Variants in PLCB3 observed in about 807,000 individuals in gnomAD.
PLCB3 encodes phospholipase C beta 3, also known as 1-phosphatidylinositol 4,5-bisphosphate phosphodiesterase beta-3.
Under a neutral mutation model 152.1 loss-of-function variants are expected in PLCB3, and 54 were observed. That is an observed-to-expected ratio of 0.36 (90% CI 0.29 to 0.45). The LOEUF is 0.45. PLCB3 is among the 20% of genes least tolerant of loss of function. The pLI is 1.00. For synonymous variants in PLCB3, 717 were observed against 698.7 expected (o/e 1.03, Z -0.41); for missense variants, 1,248 against 1,687.5 (o/e 0.74, Z 4.56).
In PLCB3 at chr11:64,255,794, C is replaced by T. The variant is rs780611720; in HGVS notation, c.671C>T (p.Pro224Leu). Residue 224 changes from proline (P) to leucine (L), a missense_variant, in exon 8 of 31, where the codon CCG becomes CTG. Physicochemically the swap from Pro to Leu is moderately conservative, Grantham distance 98 (BLOSUM62 -3). Transcript: ENST00000279230. This position sits in a 1 kb window ranked among gnomAD's most constrained non-coding sequence, Gnocchi z 6.8. ...TTCCTGAACAAGCTGTGTCTGCGGC[C>T]GGACATTGACAAGATCCTGCTGGAG... is the stretch of plus-strand genomic sequence containing the variant. ...ERFLNKLCLRPDIDKILLEIG... is the reference protein window; with the variant it reads ...ERFLNKLCLRLDIDKILLEIG... 1.9e-6 allele frequency: 3 copies of T among 1,613,676 alleles called. No homozygotes were observed. The highest frequency in any genetic ancestry group is 1.3e-5 in the African/African-American group (1 of 74,908).
In PLCB3 at chr11:64,255,851, C is replaced by T. The variant is rs1328500311; in HGVS notation, c.698+30C>T. The T allele has an allele frequency of 1.4e-6, 2 of 1,462,608 alleles. No individual in the cohort carries two copies. Among genetic ancestry groups the T allele is most frequent in the South Asian group, 2.3e-5 (2 of 88,244 alleles). 90.6% of individuals were successfully genotyped at this position (1,462,608 alleles called of 1,614,324 possible). A position where few individuals can be genotyped will look rare whatever the true frequency, so the allele number is the denominator to read the frequency against. The stretch of plus-strand genomic sequence containing the variant: ...GTGGGCCCGGCCTGCCTCACAACCC[C>T]TGTGCTCTGTGTTTAGCTTCTGCTT... On this transcript the variant is annotated intron_variant, in intron 8 of 30. Transcript: ENST00000279230. The surrounding 1 kb of genome is among the most constrained non-coding windows in gnomAD (Gnocchi z 6.8).
Position 64,255,874 on chromosome 11 carries a change from C to A in PLCB3, c.698+53C>A. 1 of 1,322,274 alleles carries A rather than the reference C, an allele frequency of 7.6e-7. No individual in the cohort carries two copies. The highest frequency in any genetic ancestry group is 2.3e-5 in the East Asian group (1 of 43,424). 81.9% of individuals were successfully genotyped at this position (1,322,274 alleles called of 1,614,324 possible). A position where few individuals can be genotyped will look rare whatever the true frequency, so the allele number is the denominator to read the frequency against. On this transcript the variant is annotated intron_variant, in intron 8 of 30. Transcript: ENST00000279230. The surrounding 1 kb of genome is among the most constrained non-coding windows in gnomAD (Gnocchi z 6.8). ...CCCTGTGCTCTGTGTTTAGCTTCTG[C>A]TTAGCGTGCCTCTAGCTCAATGGGG...
rs1156608880 is a variant in PLCB3, at chr11:64,265,979, G to A, written c.3129G>A (p.Leu1043=). 6.2e-7 allele frequency: 1 copy of A among 1,614,092 alleles called. No homozygotes were observed. Among genetic ancestry groups the A allele is most frequent in the Admixed American group, 1.7e-5 (1 of 60,032 alleles). The change falls in exon 26 of 31, where the codon CTG becomes CTA. Residue 1043 remains leucine (L), a synonymous_variant. Transcript: ENST00000279230. The part of the protein sequence containing the change: ...EFQNRQVQSL[L]ELREAQVDAE... ...AGAACAGACAGGTGCAGAGCCTGCT[G>A]GAGCTGCGGGAGGCCCAGGTGGACG...
chr11:64,256,909 C>CCTGAG, intron 10 of PLCB3, 145 bp downstream of exon 10: 1 of 878,482 alleles, frequency 1.1e-6, no homozygotes, highest in Non-Finnish European at 1.7e-6. Flanking sequence ...GGCAGCCAGC[C>CCTGAG]CTGAGCAGTG....
Position 64,255,674 on chromosome 11 carries a change from G to A in PLCB3, c.598-47G>A, listed in dbSNP as rs770498746. The stretch of plus-strand genomic sequence containing the variant: ...TGTCACGGTGGGCACCCACCCTTAC[G>A]GGGCTGCCCGCCCCTGGCTTCTCAC... On this transcript the variant is annotated intron_variant, in intron 7 of 30. Coordinates refer to ENST00000279230, the MANE Select transcript of PLCB3 (RefSeq NM_000932.5). The surrounding 1 kb of genome is among the most constrained non-coding windows in gnomAD (Gnocchi z 6.8). 1.1e-5 allele frequency: 17 copies of A among 1,608,624 alleles called. No homozygotes were observed. The highest frequency in any genetic ancestry group is 1.7e-4 in the Middle Eastern group (1 of 5,736).
rs1042935815 is a variant in PLCB3 at position 64,255,095 on chromosome 11, C to T, written c.387+57C>T. 3.8e-6 allele frequency: 6 copies of T among 1,562,342 alleles called. No homozygotes were observed. The highest frequency in any genetic ancestry group is 5.3e-6 in the Non-Finnish European group (6 of 1,140,102). On this transcript the variant is annotated intron_variant, in intron 4 of 30. Coordinates refer to ENST00000279230, the MANE Select transcript of PLCB3 (RefSeq NM_000932.5). The surrounding 1 kb of genome is among the most constrained non-coding windows in gnomAD (Gnocchi z 6.8). The stretch of plus-strand genomic sequence containing the variant: ...TCACTGTCTTATTCTGTGAGTCGGC[C>T]GTCACTTACCGAACACCTGCTGTGT...
intron 1 of PLCB3, among the ~76,000 whole-genome samples, chr11:64,253,053 G>A (rs2031319472): frequency 6.6e-6 from 1 of 152,198 alleles, no homozygotes; most frequent in Non-Finnish European, 1.5e-5. Context: ...AAATTTTGGG[G>A]GCCTTCTGTT....
intron 1 of PLCB3, 101 bp from the exon 2 acceptor site, chr11:64,254,314 C>A: frequency 1.1e-6 from 1 of 944,708 alleles, no homozygotes; most frequent in Non-Finnish European, 1.7e-6. Flanking sequence ...CGTCTTAGCT[C>A]ATGGGCAGGA....
At position 64,266,827 on chromosome 11, in the gene PLCB3, TCTCA is replaced by T. The variant is rs1351961637; in HGVS notation, c.3414+279_3414+282del. 6.6e-6 allele frequency among the ~76,000 whole-genome samples: 1 copy of T among 150,840 alleles called. No homozygotes were observed. Among genetic ancestry groups the T allele is most frequent in the African/African-American group, 2.4e-5 (1 of 40,890 alleles). ...TGACTTCTTTTTCTTTGAGACAGAG[TCTCA>T]CTCTGTCGCCCAGGCTGGAGTGCAG... is the stretch of plus-strand genomic sequence containing the variant. On this transcript the variant is annotated intron_variant, in intron 29 of 30. Transcript: ENST00000279230. This position sits in a 1 kb window ranked among gnomAD's most constrained non-coding sequence, Gnocchi z 4.9.
intron 10 of PLCB3, 135 bp downstream of exon 10, chr11:64,256,899 G>A (rs2031561326): frequency 1.0e-6 from 1 of 989,210 alleles, no homozygotes; most frequent in Non-Finnish European, 1.5e-6. Context: ...GCAGGGAACA[G>A]GCAGCCAGCC....
At chr11:64,269,127 G>C (rs1381117488), downstream of PLCB3, 1 of 152,378 alleles carries the variant, frequency 6.6e-6, no homozygotes, top group East Asian at 1.9e-4. Context: ...CTAACTTCTG[G>C]GTGTGACATT....
At position 64,266,551 on chromosome 11, in the gene PLCB3, G is replaced by A. The variant is rs138542727; in HGVS notation, c.3413G>A (p.Arg1138Gln). Residue 1138 changes from arginine (R) to glutamine (Q), a missense_variant and splice_region_variant, in exon 29 of 31, where the codon CGG becomes CAG. By Grantham distance (43) the Arg-to-Gln change is conservative. This residue lies in a region of PLCB3 where 477 missense variants were observed against 489.6 expected (regional missense o/e 0.97). Transcript: ENST00000279230. The surrounding 1 kb of genome is among the most constrained non-coding windows in gnomAD (Gnocchi z 4.9). ...HITESVNSIRRLEEAQKQRHD... is the reference protein window; with the variant it reads ...HITESVNSIRQLEEAQKQRHD... Reference sequence around the variant, plus strand: ...ACTGAGTCAGTCAACTCCATCCGTCGGGTGAGTCAGGCTCCCGGGCCACCC... The same window carrying A: ...ACTGAGTCAGTCAACTCCATCCGTCAGGTGAGTCAGGCTCCCGGGCCACCC... The A allele has an allele frequency of 5.6e-6, 9 of 1,613,614 alleles. No individual in the cohort carries two copies. The highest frequency in any genetic ancestry group is 3.3e-5 in the Admixed American group (2 of 59,984).
At chr11:64,253,878 G>A (rs1314203015) in intron 1 of PLCB3, among the ~76,000 whole-genome samples, 5 of 152,226 alleles carry the variant, frequency 3.3e-5, no homozygotes, top group Admixed American at 6.5e-5. Context: ...GATGTGGTAA[G>A]GTGGATAATG....
rs201844304 is a variant in PLCB3, at chr11:64,258,932, G to A, written c.1301G>A (p.Gly434Glu). Residue 434 changes from glycine to glutamate, a missense_variant, in exon 12 of 31, where the codon GGA becomes GAA. By Grantham distance (98) the Gly-to-Glu change is moderately conservative (BLOSUM62 -2). Coordinates refer to ENST00000279230, the MANE Select transcript of PLCB3 (RefSeq NM_000932.5). This position sits in a 1 kb window ranked among gnomAD's most constrained non-coding sequence, Gnocchi z 7.2. ...GCTGAGTACTGCCGCTCCATCTTTGGAGACGCGCTACTCATCGAGCCTCTG... is the reference window on the plus strand; with the variant it reads ...GCTGAGTACTGCCGCTCCATCTTTGAAGACGCGCTACTCATCGAGCCTCTG... ...KMAEYCRSIF[G>E]DALLIEPLDK... 2.1e-5 allele frequency: 34 copies of A among 1,613,816 alleles called. No homozygotes were observed. The highest frequency in any genetic ancestry group is 1.7e-6 in the Non-Finnish European group (2 of 1,179,988).
In PLCB3 at chr11:64,255,664, C is replaced by G. The variant is rs531338073; in HGVS notation, c.597+48C>G. 94 of 1,608,684 alleles carry G rather than the reference C, an allele frequency of 5.8e-5. 1 individual carries two copies. In the South Asian group the frequency reaches 1.0e-3, roughly 17 times the overall value. On this transcript the variant is annotated intron_variant, in intron 7 of 30. Transcript: ENST00000279230. This position sits in a 1 kb window ranked among gnomAD's most constrained non-coding sequence, Gnocchi z 6.8. ...CGGGGTGGGGTGTCACGGTGGGCAC[C>G]CACCCTTACGGGGCTGCCCGCCCCT...
intron 2 of PLCB3, 81 bp from the exon 3 acceptor site, chr11:64,254,667 T>C (rs1042993266): frequency 6.4e-5 from 97 of 1,510,802 alleles, no homozygotes; most frequent in Non-Finnish European, 8.0e-5. Context: ...GGCCATTCCC[T>C]GGCCTGGGTA....
In PLCB3 at chr11:64,255,762, T is replaced by C. The variant is rs755413365; in HGVS notation, c.639T>C (p.Phe213=). 6.2e-7 allele frequency: 1 copy of C among 1,614,120 alleles called. No homozygotes were observed. ...IRPDEFSLEI[F]ERFLNKLCLR... ...CTGATGAGTTTTCCTTGGAAATCTTTGAGCGGTTCCTGAACAAGCTGTGTC... is the reference window on the plus strand; with the variant it reads ...CTGATGAGTTTTCCTTGGAAATCTTCGAGCGGTTCCTGAACAAGCTGTGTC... Residue 213 remains phenylalanine (F), a synonymous_variant, in exon 8 of 31, where the codon TTT becomes TTC. Transcript: ENST00000279230. This position sits in a 1 kb window ranked among gnomAD's most constrained non-coding sequence, Gnocchi z 6.8.
In PLCB3 at chr11:64,255,485, C is replaced by G; in HGVS notation, c.521+36C>G. ...CTTCCCCCAGCACCTTCCTCCTGCC[C>G]TGACCTTGGTGACCTTTGTCCTCCA... On this transcript the variant is annotated intron_variant, in intron 6 of 30. Transcript: ENST00000279230. This position sits in a 1 kb window ranked among gnomAD's most constrained non-coding sequence, Gnocchi z 6.8. 1 of 1,614,060 alleles carries G rather than the reference C, an allele frequency of 6.2e-7. No homozygotes were observed. The highest frequency in any genetic ancestry group is 8.5e-7 in the Non-Finnish European group (1 of 1,179,896).
Position 64,263,766 on chromosome 11 carries a change from C to T in PLCB3, c.2531C>T (p.Ala844Val). 1.2e-6 allele frequency: 2 copies of T among 1,613,344 alleles called. No homozygotes were observed. ...CLPALLIYTE[A>V]SDYIPDDHQD... is the part of the protein sequence containing the mutation. The stretch of plus-strand genomic sequence containing the variant: ...CCGGCCCTGCTCATCTACACCGAAG[C>T]CTCGGACTACATTCCTGACGACCAC... The change falls in exon 21 of 31, where the codon GCC (alanine) becomes GTC (valine). Residue 844 changes from alanine to valine, a missense_variant. Ala to Val is a moderately conservative substitution (Grantham distance 64). This residue lies in a region of PLCB3 where 244 missense variants were observed against 424.4 expected (regional missense o/e 0.57). Coordinates refer to ENST00000279230, the MANE Select transcript of PLCB3 (RefSeq NM_000932.5).
Sources: allele counts gnomAD v4.1 joint callset (sites outside exome capture counted in the v4.1 genomes callset), GRCh38; gene constraint gnomAD v4.1.1; regional missense constraint gnomAD v4.1.1; non-coding constraint Gnocchi (gnomAD v3.1); transcripts MANE v1.5; gene names NCBI Gene and HGNC (gene_info 2026-07-23, HGNC 2026-07-21).